TRIM31: variants seen among roughly 807,000 people sequenced by gnomAD.
TRIM31 encodes the protein E3 ubiquitin-protein ligase TRIM31.
TRIM31 carries 31 observed loss-of-function variants against 40.6 expected under a neutral mutation model. The observed-to-expected ratio is 0.76, with a 90% CI of 0.57 to 1.03. The LOEUF (loss-of-function observed/expected upper bound fraction) is 1.03, where lower values mean the gene tolerates loss of function less well. Ranked by LOEUF, TRIM31 falls within the 50% of genes least tolerant of loss-of-function variation. The probability of loss-of-function intolerance (pLI) is 0.00; values close to 1 mark genes in which losing one functional copy is unlikely to be tolerated. For missense variants in TRIM31, 455 were observed against 497.5 expected, an observed-to-expected ratio of 0.91 and a Z score of 0.81; for synonymous variants, 164 against 193.9, an observed-to-expected ratio of 0.85 and a Z score of 1.28.
At chr6:30,111,954 T>C in intron 2 of TRIM31, 1 of 601,834 alleles carries the variant, frequency 1.7e-6, no homozygotes, top group East Asian at 2.8e-5. Context: ...AACATAGTTA[T>C]TTATGACTAA....
chr6:30,103,773 C>T lies in TRIM31; in HGVS notation c.1041G>A (p.Ser347=), dbSNP rs756308977. ...GSSSAGGRTT[S]GPPNHHSSAP... is the part of the protein sequence containing the mutation. ...CTGAAGAGTGGTGATTTGGTGGCCC[C>T]GATGTAGTTCTGCCGCCTTTGCGGG... Residue 347 remains serine (S), a synonymous_variant, in exon 9 of 9, where the codon TCG becomes TCA. Coordinates refer to ENST00000376734, the MANE Select transcript of TRIM31 (RefSeq NM_007028.5). The T allele has an allele frequency of 1.9e-6, 3 of 1,612,922 alleles. No homozygotes were observed. The highest frequency in any genetic ancestry group is 1.1e-5 in the South Asian group (1 of 91,074).
Position 30,103,670 on chromosome 6 carries a change from C to T in TRIM31, c.1144G>A (p.Glu382Lys). 1 of 1,613,048 alleles carries T rather than the reference C, an allele frequency of 6.2e-7. No individual in the cohort carries two copies. Among genetic ancestry groups the T allele is most frequent in the Non-Finnish European group, 8.5e-7 (1 of 1,180,044 alleles). The change falls in exon 9 of 9, where the codon GAG (glutamate) becomes AAG (lysine). Residue 382 changes from glutamate to lysine, a missense_variant. Transcript: ENST00000376734. The part of the protein sequence containing the change: ...FPVCLLASYD[E>K]ISGQGASSQD... ...GAGCTCGCTCCTTGACCAGAAATCT[C>T]ATCATAAGAGGCCAGGAGACATACT...
In TRIM31 at chr6:30,103,805, A is replaced by G. The variant is rs1768429211; in HGVS notation, c.1025-16T>C. 1 of 1,612,326 alleles carries G rather than the reference A, an allele frequency of 6.2e-7. No individual in the cohort carries two copies. The highest frequency in any genetic ancestry group is 8.5e-7 in the Non-Finnish European group (1 of 1,179,784). ...GTTCTGCCGCCTTTGCGGGAGAAGG[A>G]AAGGAGAAAAGAGGTCAGCGGGAGC... is the stretch of plus-strand genomic sequence containing the variant. On this transcript the variant is annotated splice_polypyrimidine_tract_variant and intron_variant, in intron 8 of 8. Transcript: ENST00000376734.
intron 6 of TRIM31, among the ~76,000 whole-genome samples, chr6:30,107,267 G>A (rs1321817049): frequency 2.0e-5 from 3 of 151,722 alleles, no homozygotes; most frequent in Admixed American, 1.3e-4. Context: ...TATGTCTGCC[G>A]AGTGGAGATT....
At position 30,103,524 on chromosome 6, in the gene TRIM31, C is replaced by T; in HGVS notation, c.*12G>A. On this transcript the variant is annotated 3_prime_UTR_variant, in exon 9 of 9. Transcript: ENST00000376734. ...GTGTAGCACCACCGCTCCCCGTGTT[C>T]TCTGAGCTGGCTTAGCTTGAAGGAA... is the stretch of plus-strand genomic sequence containing the variant. The T allele has an allele frequency of 6.2e-7, 1 of 1,612,336 alleles. No homozygotes were observed. The highest frequency in any genetic ancestry group is 2.2e-5 in the East Asian group (1 of 44,870).
At position 30,103,343 on chromosome 6, in the gene TRIM31, C is replaced by A; in HGVS notation, c.*193G>T. The A allele has an allele frequency of 1.2e-6, 1 of 806,370 alleles. No homozygotes were observed. The highest frequency in any genetic ancestry group is 3.8e-4 in the Middle Eastern group (1 of 2,636). The allele number at this position is 806,370 out of a possible 1,614,324, so 50.0% of individuals were successfully genotyped here. A position where few individuals can be genotyped will look rare whatever the true frequency, so the allele number is the denominator to read the frequency against. On this transcript the variant is annotated 3_prime_UTR_variant, in exon 9 of 9. Coordinates refer to ENST00000376734, the MANE Select transcript of TRIM31 (RefSeq NM_007028.5). ...CCTTTTGCTCAAGAATTCGTCCATT[C>A]CTTCTCCAACTCTCTTCACCACCAC...
chr6:30,110,666 G>T lies in TRIM31; in HGVS notation c.526C>A (p.His176Asn). 1 of 1,614,104 alleles carries T rather than the reference G, an allele frequency of 6.2e-7. No individual in the cohort carries two copies. Among genetic ancestry groups the T allele is most frequent in the Non-Finnish European group, 8.5e-7 (1 of 1,180,016 alleles). ...RVDVFTDQVE[H>N]EKQRILTEFE... ...TCTGTGAGGATCCTTTGCTTCTCAT[G>T]TTCTACCTGGTCCTAAGAAACAGGG... Residue 176 changes from histidine to asparagine, a missense_variant, in exon 4 of 9, where the codon CAT (histidine) becomes AAT (asparagine). Physicochemically the swap from His to Asn is moderately conservative, Grantham distance 68 (BLOSUM62 1). Coordinates refer to ENST00000376734, the MANE Select transcript of TRIM31 (RefSeq NM_007028.5).
rs1466697966 is a variant in TRIM31 at position 30,103,605 on chromosome 6, C to T, written c.1209G>A (p.Glu403=). ...GCCACTCACTCAGTGCCGCATGGAGCTCCTCGGACAGCGCAACGTCAAATG... is the reference window on the plus strand; with the variant it reads ...GCCACTCACTCAGTGCCGCATGGAGTTCCTCGGACAGCGCAACGTCAAATG... ...TKTFDVALSE[E]LHAALSEWLT... is the part of the protein sequence containing the mutation. The change falls in exon 9 of 9, where the codon GAG becomes GAA. Residue 403 remains glutamate (E), a synonymous_variant. Transcript: ENST00000376734. 1 of 1,613,106 alleles carries T rather than the reference C, an allele frequency of 6.2e-7. No homozygotes were observed. The highest frequency in any genetic ancestry group is 8.5e-7 in the Non-Finnish European group (1 of 1,180,052).
At chr6:30,105,030 A>C (rs533351493) in intron 7 of TRIM31, 138 bp downstream of exon 7, 5 of 749,634 alleles carry the variant, frequency 6.7e-6, no homozygotes, top group Non-Finnish European at 1.1e-5. Context: ...TAAAACAACC[A>C]TATGCCTGTT....
chr6:30,104,661 G>C (rs957156279), intron 7 of TRIM31, among the ~76,000 whole-genome samples: 3 of 152,248 alleles, frequency 2.0e-5, no homozygotes, highest in African/African-American at 4.8e-5. Context: ...TATCTTGGAG[G>C]ATAGTTGTGG....
chr6:30,108,819 G>A lies in TRIM31; in HGVS notation c.767+207C>T, dbSNP rs113000329. 665 of 635,376 alleles carry A rather than the reference G, an allele frequency of 1.0e-3. 1 individual carries two copies. Among genetic ancestry groups the A allele is most frequent in the African/African-American group, 9.3e-3 (514 of 55,160 alleles). 39.4% of individuals were successfully genotyped at this position (635,376 alleles called of 1,614,324 possible). On this transcript the variant is annotated intron_variant, in intron 5 of 8. Transcript: ENST00000376734. ...TCTGTGCTGAAGAAGGAGGAAGGCTGAGAAAACAGCTGGTTTCTTTAACAA... is the reference window on the plus strand; with the variant it reads ...TCTGTGCTGAAGAAGGAGGAAGGCTAAGAAAACAGCTGGTTTCTTTAACAA...
intron 2 of TRIM31, 156 bp from the exon 3 acceptor site, chr6:30,111,899 G>A (rs985616724): frequency 3.0e-6 from 2 of 677,704 alleles, no homozygotes; most frequent in Non-Finnish European, 5.1e-6. Flanking sequence ...GAAAGGGGTT[G>A]CTGAGAAGGG....
intron 3 of TRIM31, 101 bp downstream of exon 3, chr6:30,111,547 T>C: frequency 3.3e-6 from 4 of 1,206,742 alleles, no homozygotes; most frequent in Non-Finnish European, 4.8e-6. Flanking sequence ...AGGACATGGC[T>C]CACTGGATCT....
chr6:30,108,536 G>T (rs1193563674), intron 5 of TRIM31, among the ~76,000 whole-genome samples: 1 of 133,178 alleles, frequency 7.5e-6, no homozygotes, highest in African/African-American at 2.9e-5. Context: ...TCCAGCCTGA[G>T]CAACAAGAGC....
chr6:30,108,057 G>A lies in TRIM31; in HGVS notation c.879C>T (p.Phe293=), dbSNP rs1259011608. 1.3e-6 allele frequency: 2 copies of A among 1,594,334 alleles called. No individual in the cohort carries two copies. The highest frequency in any genetic ancestry group is 1.3e-5 in the African/African-American group (1 of 74,646). The part of the protein sequence containing the change: ...HDSITGSLKK[F]KDQLQADRKK... The stretch of plus-strand genomic sequence containing the variant: ...AAAATACAGCCTCTTCCTTACCTTT[G>A]AATTTTTTTAGGCTCCCTGTGATGG... The change falls in exon 6 of 9, where the codon TTC becomes TTT. Residue 293 remains phenylalanine (F), a synonymous_variant. Transcript: ENST00000376734.
chr6:30,103,929 C>A, intron 8 of TRIM31, 140 bp from the exon 9 acceptor site: 1 of 1,425,944 alleles, frequency 7.0e-7, no homozygotes, highest in South Asian at 1.3e-5. Flanking sequence ...CTGAACAAGT[C>A]GGAGCGCCCT....
At position 30,111,030 on chromosome 6, in the gene TRIM31, C is replaced by CTTTTT. The variant is rs9278578; in HGVS notation, c.514-357_514-353dup. Reference sequence around the variant, plus strand: ...CACAATGTCTTCATTTTCCTTCTGTCTTTTTTTTTTTTTTTTTTTGAGACA... The same window carrying CTTTTT: ...CACAATGTCTTCATTTTCCTTCTGTCTTTTTTTTTTTTTTTTTTTTTTTTGAGACA... On this transcript the variant is annotated intron_variant, in intron 3 of 8. Coordinates refer to ENST00000376734, the MANE Select transcript of TRIM31 (RefSeq NM_007028.5). Among the ~76,000 whole-genome samples, 1,021 of 114,238 alleles carry CTTTTT rather than the reference C, an allele frequency of 8.9e-3. 33 individuals carry two copies. Among genetic ancestry groups the CTTTTT allele is most frequent in the African/African-American group, 0.027 (835 of 30,452 alleles). 74.9% of individuals were successfully genotyped at this position (114,238 alleles called of 152,430 possible).
chr6:30,111,429 G>T (rs1769302983), intron 3 of TRIM31: 2 of 547,962 alleles, frequency 3.6e-6, no homozygotes, highest in Admixed American at 3.5e-5. Context: ...GGTTTTCCGT[G>T]CCCCACCTTG....
At position 30,103,413 on chromosome 6, in the gene TRIM31, T is replaced by C; in HGVS notation, c.*123A>G. Reference sequence around the variant, plus strand: ...CTCAGTAGCCCGAGCCCTCCCATTCTCCACTCCTTCGACCCAATTCCACTA... The same window carrying C: ...CTCAGTAGCCCGAGCCCTCCCATTCCCCACTCCTTCGACCCAATTCCACTA... On this transcript the variant is annotated 3_prime_UTR_variant, in exon 9 of 9. Coordinates refer to ENST00000376734, the MANE Select transcript of TRIM31 (RefSeq NM_007028.5). The C allele has an allele frequency of 7.9e-7, 1 of 1,262,530 alleles. No homozygotes were observed. The highest frequency in any genetic ancestry group is 1.1e-6 in the Non-Finnish European group (1 of 910,618). 78.2% of individuals were successfully genotyped at this position (1,262,530 alleles called of 1,614,324 possible).
Sources: allele counts gnomAD v4.1 joint callset (sites outside exome capture counted in the v4.1 genomes callset), GRCh38; gene constraint gnomAD v4.1.1; transcripts MANE v1.5; gene names NCBI Gene and HGNC (gene_info 2026-07-23, HGNC 2026-07-21).